The following ZMAT3 variants were observed in gnomAD, a reference collection of about 807,000 sequenced individuals.
ZMAT3 encodes zinc finger matrin-type protein 3.
A neutral mutation model predicts 32.3 loss-of-function variants in ZMAT3; 17 were observed. That is an observed-to-expected ratio of 0.53 (90% confidence interval 0.36 to 0.79). The LOEUF is 0.79. Among genes scored for constraint, ZMAT3 ranks in the 30% least tolerant of loss-of-function variants. The pLI is 0.00. For missense variants in ZMAT3, 329 were observed against 359.7 expected, an observed-to-expected ratio of 0.91 and a Z score of 0.69; for synonymous variants, 120 against 133.1, an observed-to-expected ratio of 0.90 and a Z score of 0.68.
chr3:179,038,631 T>A, intron 2 of ZMAT3, among the ~76,000 whole-genome samples: 1 of 152,106 alleles, frequency 6.6e-6, no homozygotes, highest in East Asian at 1.9e-4. Context: ...GGTCTGCAGC[T>A]CCCAGCGTGA....
At chr3:179,067,832 G>GAAAAAAAACAA in intron 1 of ZMAT3, 23 bp from the exon 2 acceptor site, 1 of 1,503,550 alleles carries the variant, frequency 6.7e-7, no homozygotes, top group Admixed American at 2.2e-5. Context: ...CAAAAAAACA[G>GAAAAAAAACAA]AAAAAAAAAC....
At chr3:179,027,042 T>G (rs559104398) in intron 5 of ZMAT3, among the ~76,000 whole-genome samples, 1 of 152,364 alleles carries the variant, frequency 6.6e-6, no homozygotes, top group South Asian at 2.1e-4. Flanking sequence ...TGGGTAATTC[T>G]GTTTCACTAG....
At chr3:179,058,176 TCTTA>T (rs1194327692) in intron 2 of ZMAT3, among the ~76,000 whole-genome samples, 1 of 152,084 alleles carries the variant, frequency 6.6e-6, no homozygotes, top group Non-Finnish European at 1.5e-5. Context: ...AGGGAAGAGA[TCTTA>T]CTGTGTGGAC....
rs1287527674 is a variant in ZMAT3, at chr3:179,031,934, T to A, written c.271-935A>T. ...ATAAAAAAAAAAAAAACTCTCCCTC[T>A]CCCTCCCCCTCCCCCTCCCCCTCCC... On this transcript the variant is annotated intron_variant, in intron 2 of 5. Transcript: ENST00000311417. Among the ~76,000 whole-genome samples the A allele has an allele frequency of 4.0e-4, 2 of 5,016 alleles. 1 individual carries two copies. Among genetic ancestry groups the A allele is most frequent in the Admixed American group, 3.6e-3 (2 of 550 alleles). 3.3% of individuals were successfully genotyped at this position (5,016 alleles called of 152,430 possible). A position where few individuals can be genotyped will look rare whatever the true frequency, so the allele number is the denominator to read the frequency against.
Position 179,024,860 on chromosome 3 carries a change from G to GCC in ZMAT3, c.*155_*156dup. 3.6e-6 allele frequency: 2 copies of GCC among 562,796 alleles called. No homozygotes were observed. The highest frequency in any genetic ancestry group is 6.1e-6 in the Non-Finnish European group (2 of 328,094). The allele number at this position is 562,796 out of a possible 1,614,324, so 34.9% of individuals were successfully genotyped here. ...CCACCTCCCCCCGCCCCGCCCCCGG[G>GCC]CCCCCAGGTTTTGACATCTCATGGT... On this transcript the variant is annotated 3_prime_UTR_variant, in exon 6 of 6. Coordinates refer to ENST00000311417, the MANE Select transcript of ZMAT3 (RefSeq NM_022470.4).
rs1700089142 is a variant in ZMAT3 at position 179,030,985 on chromosome 3, A to G, written c.285T>C (p.Gly95=). ...CTGCATAGTAATTTCGGAGTTTCTT[A>G]CCATGATTTTTACCCTAGAAATAAA... ...AQAHYQGKNH[G]KKLRNYYAAN... The change falls in exon 3 of 6, where the codon GGT becomes GGC. Residue 95 remains glycine, a synonymous_variant. Transcript: ENST00000311417. 6.2e-7 allele frequency: 1 copy of G among 1,613,324 alleles called. No homozygotes were observed. Among genetic ancestry groups the G allele is most frequent in the Non-Finnish European group, 8.5e-7 (1 of 1,179,678 alleles).
At chr3:179,034,108 T>C (rs944828865) in intron 2 of ZMAT3, among the ~76,000 whole-genome samples, 1 of 152,246 alleles carries the variant, frequency 6.6e-6, no homozygotes, top group African/African-American at 2.4e-5. Context: ...AAACAGTATA[T>C]TATTCTTTAA....
intron 2 of ZMAT3, among the ~76,000 whole-genome samples, chr3:179,054,127 A>C (rs1335969612): frequency 6.6e-6 from 1 of 152,254 alleles, no homozygotes; most frequent in African/African-American, 2.4e-5. Flanking sequence ...TTGATAAAAT[A>C]AAAATAAAAC....
rs1718349888 is a variant in ZMAT3, at chr3:179,017,836, T to C, written c.*7181A>G. On this transcript the variant is annotated 3_prime_UTR_variant, in exon 6 of 6. Transcript: ENST00000311417. ...GAGCATATTTCCAAGGAGAAGCAAC[T>C]TATTGTCCCAGCAGATATATGGAAT... is the stretch of plus-strand genomic sequence containing the variant. The C allele has an allele frequency of 6.6e-6, 1 of 152,142 alleles. No homozygotes were observed. Among genetic ancestry groups the C allele is most frequent in the African/African-American group, 2.4e-5 (1 of 41,438 alleles). The allele number at this position is 152,142 out of a possible 1,614,324, so 9.4% of individuals were successfully genotyped here.
At chr3:179,031,466 G>T (rs73048060) in intron 2 of ZMAT3, among the ~76,000 whole-genome samples, 1 of 152,102 alleles carries the variant, frequency 6.6e-6, no homozygotes, top group East Asian at 1.9e-4. Flanking sequence ...CAACCCTGGG[G>T]GTAAACAGAC....
chr3:179,071,076 A>G (rs762736342), intron 1 of ZMAT3, among the ~76,000 whole-genome samples: 20 of 152,008 alleles, frequency 1.3e-4, no homozygotes, highest in Non-Finnish European at 2.4e-4. Context: ...AGAGGGAGAA[A>G]AGTTAAAAAA....
At position 179,051,482 on chromosome 3, in the gene ZMAT3, C is replaced by T. The variant is rs151062095; in HGVS notation, c.270+16001G>A. 8.2e-3 allele frequency among the ~76,000 whole-genome samples: 1,248 copies of T among 152,260 alleles called. 18 individuals are homozygous for T. Among genetic ancestry groups the T allele is most frequent in the African/African-American group, 0.029 (1,204 of 41,554 alleles). ...GACCTCTACAAAGAAAAGTACAAAA[C>T]ACTGCTGAAAGAAATAACAGATGAC... On this transcript the variant is annotated intron_variant, in intron 2 of 5. Transcript: ENST00000311417.
At chr3:179,047,754 G>A (rs1034541356) in intron 2 of ZMAT3, among the ~76,000 whole-genome samples, 8 of 152,074 alleles carry the variant, frequency 5.3e-5, no homozygotes, top group Admixed American at 5.2e-4. Flanking sequence ...AGCTACTCAG[G>A]AGGCTGAAGC....
At chr3:179,053,975 G>C (rs1251685247) in intron 2 of ZMAT3, among the ~76,000 whole-genome samples, 1 of 152,172 alleles carries the variant, frequency 6.6e-6, no homozygotes, top group Non-Finnish European at 1.5e-5. Context: ...ATTTGAATCT[G>C]TGTTAAATTC....
intron 2 of ZMAT3, among the ~76,000 whole-genome samples, chr3:179,042,111 A>G (rs1183414898): frequency 6.6e-6 from 1 of 152,200 alleles, no homozygotes; most frequent in Non-Finnish European, 1.5e-5. Flanking sequence ...CCAATCAAAA[A>G]AAGTCCAGGG....
chr3:179,036,014 G>C (rs1719571214), intron 2 of ZMAT3, among the ~76,000 whole-genome samples: 1 of 152,216 alleles, frequency 6.6e-6, no homozygotes, highest in Admixed American at 6.5e-5. Flanking sequence ...CTTTGGAGGA[G>C]AGGCAAAAAT....
chr3:179,017,263 C>T lies in ZMAT3; in HGVS notation c.*7754G>A, dbSNP rs186657195. ...CAGAAACCGTTTTATTAAACTGGAA[C>T]ACAAAATGCGTGTTATAATAATGTC... On this transcript the variant is annotated 3_prime_UTR_variant, in exon 6 of 6. Coordinates refer to ENST00000311417, the MANE Select transcript of ZMAT3 (RefSeq NM_022470.4). The T allele has an allele frequency of 1.4e-4, 21 of 152,180 alleles. No homozygotes were observed. Among genetic ancestry groups the T allele is most frequent in the African/African-American group, 4.1e-4 (17 of 41,516 alleles). The allele number at this position is 152,180 out of a possible 1,614,324, so 9.4% of individuals were successfully genotyped here.
chr3:179,070,317 G>A (rs1460334371), intron 1 of ZMAT3, among the ~76,000 whole-genome samples: 1 of 152,136 alleles, frequency 6.6e-6, no homozygotes, highest in Non-Finnish European at 1.5e-5. Context: ...GGCACAAAAG[G>A]CCTCCTACCA....
intron 1 of ZMAT3, among the ~76,000 whole-genome samples, chr3:179,068,264 T>C (rs1007666305): frequency 2.6e-5 from 4 of 151,954 alleles, no homozygotes; most frequent in Non-Finnish European, 4.4e-5. Flanking sequence ...CCCAGCATTT[T>C]GGGAGGCCAA....
Sources: allele counts gnomAD v4.1 joint callset (sites outside exome capture counted in the v4.1 genomes callset), GRCh38; gene constraint gnomAD v4.1.1; transcripts MANE v1.5; gene names NCBI Gene and HGNC (gene_info 2026-07-23, HGNC 2026-07-21).